PTGFRN: variants seen among roughly 807,000 people sequenced by gnomAD.
PTGFRN encodes the protein prostaglandin F2 receptor negative regulator.
In PTGFRN, 35 loss-of-function variants were observed where a neutral mutation model predicts 83.2. The ratio of observed to expected loss-of-function variants is 0.42; its 90% CI spans 0.32 to 0.56. PTGFRN has a LOEUF of 0.56. PTGFRN is among the 20% of genes least tolerant of loss of function. The pLI, the probability that PTGFRN is intolerant of heterozygous loss-of-function variation, is 0.11. For missense variants in PTGFRN, 1,051 were observed against 1,179.5 expected (o/e 0.89, Z 1.60); for synonymous variants, 519 against 498.6 (o/e 1.04, Z -0.55).
intron 1 of PTGFRN, among the ~76,000 whole-genome samples, chr1:116,938,124 A>G (rs891987294): frequency 1.3e-5 from 2 of 152,230 alleles, no homozygotes; most frequent in African/African-American, 4.8e-5. Context: ...TGTGGTAATG[A>G]TGGCTTCAGA....
chr1:116,954,526 G>T (rs1192215671), intron 4 of PTGFRN, among the ~76,000 whole-genome samples: 7 of 152,172 alleles, frequency 4.6e-5, no homozygotes, highest in African/African-American at 1.7e-4. Context: ...CATGTAATTA[G>T]CTGTGCCAAG....
Position 116,957,108 on chromosome 1 carries a change from T to A in PTGFRN, c.1214-4135T>A, listed in dbSNP as rs1180928446. ...TGTGTTTGGAACAAGGTTTTAACTC[T>A]CTCTCTCTCTCTCTCTCTTTCTCTC... On this transcript the variant is annotated intron_variant, in intron 4 of 8. Transcript: ENST00000393203. Among the ~76,000 whole-genome samples the A allele has an allele frequency of 4.5e-3, 668 of 147,766 alleles. 5 individuals are homozygous for A. Among genetic ancestry groups the A allele is most frequent in the African/African-American group, 0.016 (642 of 40,224 alleles).
At chr1:116,925,826 G>A (rs1649644420) in intron 1 of PTGFRN, among the ~76,000 whole-genome samples, 2 of 152,186 alleles carry the variant, frequency 1.3e-5, no homozygotes, top group Non-Finnish European at 2.9e-5. Context: ...CCGTGATGAT[G>A]TGGTTCTGCA....
In PTGFRN at chr1:116,948,746, T is replaced by G. The variant is rs73014729; in HGVS notation, c.833-446T>G. On this transcript the variant is annotated intron_variant, in intron 3 of 8. Transcript: ENST00000393203. ...AGTTTTACAGTCTTCAATAGACTGC[T>G]TATCAAAAGATAGCATAACAGTGAA... Among the ~76,000 whole-genome samples, 679 of 152,344 alleles carry G rather than the reference T, an allele frequency of 4.5e-3. 2 individuals are homozygous for G. Among genetic ancestry groups the G allele is most frequent in the African/African-American group, 0.015 (644 of 41,576 alleles).
At position 116,952,811 on chromosome 1, in the gene PTGFRN, G is replaced by A. The variant is rs1197059939; in HGVS notation, c.1213+3239G>A. Among the ~76,000 whole-genome samples the A allele has an allele frequency of 6.6e-6, 1 of 152,204 alleles. No individual in the cohort carries two copies. Among genetic ancestry groups the A allele is most frequent in the African/African-American group, 2.4e-5 (1 of 41,454 alleles). On this transcript the variant is annotated intron_variant, in intron 4 of 8. Transcript: ENST00000393203. The surrounding 1 kb of genome is among the most constrained non-coding windows in gnomAD (Gnocchi z 4.0). Reference sequence around the variant, plus strand: ...TCTTTTACAAAAGGCCCTAAATGATGGTTTAAATGGATGTTTCTTATATCC... The same window carrying A: ...TCTTTTACAAAAGGCCCTAAATGATAGTTTAAATGGATGTTTCTTATATCC...
chr1:116,943,482 C>G (rs1222175562), intron 2 of PTGFRN, among the ~76,000 whole-genome samples: 1 of 152,160 alleles, frequency 6.6e-6, no homozygotes, highest in Admixed American at 6.5e-5. Flanking sequence ...GCAGGAGACA[C>G]AAGAGGAGGC....
chr1:116,929,293 G>A (rs899503662), intron 1 of PTGFRN, among the ~76,000 whole-genome samples: 3 of 152,180 alleles, frequency 2.0e-5, no homozygotes, highest in South Asian at 2.1e-4. Context: ...AACCAAGGCC[G>A]GTGTTCATCA....
chr1:116,949,544 C>T lies in PTGFRN; in HGVS notation c.1185C>T (p.Ser395=). The stretch of plus-strand genomic sequence containing the variant: ...ACAAAGTGGCAGAGGCCGTGTCTTC[C>T]CCAGCTGGTGTGGGTGTGACCTGGC... ...SWHKVAEAVS[S]PAGVGVTWLE... Residue 395 remains serine, a synonymous_variant, in exon 4 of 9, where the codon TCC becomes TCT. Transcript: ENST00000393203. 1 of 1,613,540 alleles carries T rather than the reference C, an allele frequency of 6.2e-7. No individual in the cohort carries two copies.
chr1:116,940,911 A>G (rs1312972764), intron 1 of PTGFRN, among the ~76,000 whole-genome samples: 1 of 152,220 alleles, frequency 6.6e-6, no homozygotes, highest in African/African-American at 2.4e-5. Flanking sequence ...TAAAGGACTC[A>G]CAGGTGCCAG....
chr1:116,989,832 C>T lies in PTGFRN; in HGVS notation c.*2865C>T, dbSNP rs200381206. 1 of 152,536 alleles carries T rather than the reference C, an allele frequency of 6.6e-6. No homozygotes were observed. Among genetic ancestry groups the T allele is most frequent in the South Asian group, 2.1e-4 (1 of 4,824 alleles). 9.4% of individuals were successfully genotyped at this position (152,536 alleles called of 1,614,324 possible). ...TGTATTTATTTGAGTGTCTTTCCCC[C>T]CCTCACCCTCACCATCTGAGGGGCT... On this transcript the variant is annotated 3_prime_UTR_variant, in exon 9 of 9. Transcript: ENST00000393203.
intron 4 of PTGFRN, among the ~76,000 whole-genome samples, chr1:116,959,639 T>C (rs1650591654): frequency 6.6e-6 from 1 of 152,162 alleles, no homozygotes; most frequent in Non-Finnish European, 1.5e-5. Flanking sequence ...TAGGTAGTAT[T>C]ATTTTTCTCC....
intron 4 of PTGFRN, among the ~76,000 whole-genome samples, chr1:116,951,931 A>G (rs1156304203): frequency 6.6e-6 from 1 of 152,192 alleles, no homozygotes; most frequent in Non-Finnish European, 1.5e-5. Context: ...CCGAGAAGTG[A>G]CCAAAAAAGA....
At chr1:116,985,719 AAAG>A (rs1295718481) in intron 8 of PTGFRN, among the ~76,000 whole-genome samples, 1 of 151,368 alleles carries the variant, frequency 6.6e-6, no homozygotes, top group Non-Finnish European at 1.5e-5. Context: ...AAAAAAAAAA[AAAG>A]AGACTCCTTC....
intron 1 of PTGFRN, among the ~76,000 whole-genome samples, chr1:116,912,156 G>A (rs540783581): frequency 4.6e-5 from 7 of 152,324 alleles, no homozygotes; most frequent in Non-Finnish European, 8.8e-5. Flanking sequence ...TAGAAGTGGG[G>A]AAAGCACAGC....
chr1:116,937,885 A>C (rs1355717664), intron 1 of PTGFRN, among the ~76,000 whole-genome samples: 1 of 152,148 alleles, frequency 6.6e-6, no homozygotes, highest in African/African-American at 2.4e-5. Context: ...CTGTAAGTAC[A>C]TTTCCTCATT....
In PTGFRN at chr1:116,987,129, G is replaced by A. The variant is rs1336600416; in HGVS notation, c.*162G>A. The A allele has an allele frequency of 7.9e-6, 6 of 761,906 alleles. No homozygotes were observed. Among genetic ancestry groups the A allele is most frequent in the African/African-American group, 1.8e-5 (1 of 57,046 alleles). The allele number at this position is 761,906 out of a possible 1,614,324, so 47.2% of individuals were successfully genotyped here. A position where few individuals can be genotyped will look rare whatever the true frequency, so the allele number is the denominator to read the frequency against. On this transcript the variant is annotated 3_prime_UTR_variant, in exon 9 of 9. Transcript: ENST00000393203. ...CTTTTCTGCATGTCAAGTTCTGAGCGCGGACATGTTTACCAGCACACGGCT... is the reference window on the plus strand; with the variant it reads ...CTTTTCTGCATGTCAAGTTCTGAGCACGGACATGTTTACCAGCACACGGCT...
intron 7 of PTGFRN, among the ~76,000 whole-genome samples, chr1:116,979,773 A>G (rs1651257357): frequency 6.6e-6 from 1 of 152,252 alleles, no homozygotes; most frequent in Non-Finnish European, 1.5e-5. Flanking sequence ...AAACCCTAGA[A>G]GAAAACCTAG....
intron 7 of PTGFRN, among the ~76,000 whole-genome samples, chr1:116,983,310 G>A (rs971171938): frequency 3.9e-5 from 6 of 152,048 alleles, no homozygotes; most frequent in African/African-American, 1.4e-4. Context: ...CTGGGAACCC[G>A]GTTTGGCTTT....
Position 116,984,762 on chromosome 1 carries a change from T to C in PTGFRN, c.2250T>C (p.Asp750=), listed in dbSNP as rs1651413257. The C allele has an allele frequency of 1.2e-6, 2 of 1,613,970 alleles. No individual in the cohort carries two copies. ...DKAPVLLSSL[D]RKGIVTTSRR... Reference sequence around the variant, plus strand: ...CTCCTGTGCTCCTGTCTTCCCTGGATCGGAAGGGCATCGTGACCACCTCCC... The same window carrying C: ...CTCCTGTGCTCCTGTCTTCCCTGGACCGGAAGGGCATCGTGACCACCTCCC... The change falls in exon 8 of 9, where the codon GAT becomes GAC. Residue 750 remains aspartate, a synonymous_variant. Transcript: ENST00000393203.
Sources: allele counts gnomAD v4.1 joint callset (sites outside exome capture counted in the v4.1 genomes callset), GRCh38; gene constraint gnomAD v4.1.1; non-coding constraint Gnocchi (gnomAD v3.1); transcripts MANE v1.5; gene names NCBI Gene and HGNC (gene_info 2026-07-23, HGNC 2026-07-21).